The following LPIN1 variants were observed in gnomAD, a reference collection of about 807,000 sequenced individuals.
LPIN1 encodes phosphatidate phosphatase LPIN1.
Under a neutral mutation model 107.5 loss-of-function variants are expected in LPIN1, and 71 were observed. The ratio of observed to expected loss-of-function variants is 0.66; its 90% confidence interval spans 0.55 to 0.80. The LOEUF (loss-of-function observed/expected upper bound fraction) is 0.80. LPIN1 is among the 30% of genes least tolerant of loss of function. The pLI is 0.00. For missense variants in LPIN1, 1,043 were observed against 1,160.6 expected (o/e 0.90, Z 1.47); for synonymous variants, 445 against 452.6 (o/e 0.98, Z 0.21).
At chr2:11,753,526 G>T (rs1227841592) in intron 1 of LPIN1, among the ~76,000 whole-genome samples, 2 of 152,250 alleles carry the variant, frequency 1.3e-5, no homozygotes, top group Non-Finnish European at 2.9e-5. Context: ...AGTCAATCCA[G>T]ACCTGGCAGA....
chr2:11,741,743 G>A (rs561174202), upstream of LPIN1, among the ~76,000 whole-genome samples: 2 of 152,248 alleles, frequency 1.3e-5, no homozygotes, highest in East Asian at 1.9e-4. Context: ...CCTGGGATGC[G>A]GAGCTTGCAG....
intron 1 of LPIN1, among the ~76,000 whole-genome samples, chr2:11,750,741 TG>T (rs1334841781): frequency 6.6e-6 from 1 of 152,140 alleles, no homozygotes; most frequent in Non-Finnish European, 1.5e-5. Context: ...TAGTGGAAGG[TG>T]GAGGCAGGAT....
chr2:11,780,069 C>T (rs1179675162), intron 7 of LPIN1, among the ~76,000 whole-genome samples: 9 of 152,030 alleles, frequency 5.9e-5, no homozygotes, highest in African/African-American at 2.2e-4. Context: ...TTAGTAGAGA[C>T]GGGGTTTCAC....
chr2:11,726,155 C>T (rs1051199512), intron 1 of LPIN1, among the ~76,000 whole-genome samples: 5 of 152,196 alleles, frequency 3.3e-5, no homozygotes, highest in Non-Finnish European at 7.3e-5. Context: ...CCCTTTCTAC[C>T]TCAGCTGCTG....
chr2:11,721,588 C>T (rs143981626), upstream of LPIN1: 3 of 152,270 alleles, frequency 2.0e-5, no homozygotes, highest in African/African-American at 7.2e-5. Context: ...TCTATCCTCA[C>T]TGTTCTAGGA....
At chr2:11,712,049 T>C (rs1171558469) in intron 1 of LPIN1, among the ~76,000 whole-genome samples, 1 of 152,246 alleles carries the variant, frequency 6.6e-6, no homozygotes, top group African/African-American at 2.4e-5. Flanking sequence ...CTGGCCGGCT[T>C]AGAGCACAAG....
chr2:11,757,647 C>T (rs182334641), intron 1 of LPIN1, among the ~76,000 whole-genome samples: 350 of 152,256 alleles, frequency 2.3e-3, no homozygotes, highest in African/African-American at 8.0e-3. Flanking sequence ...GGGCCCACCC[C>T]GGTCCCTTAA....
chr2:11,766,455 G>A (rs977273070), intron 2 of LPIN1, among the ~76,000 whole-genome samples: 2 of 152,226 alleles, frequency 1.3e-5, no homozygotes, highest in African/African-American at 4.8e-5. Flanking sequence ...GCCAGAAGCA[G>A]AAACAGACAC....
upstream of LPIN1, among the ~76,000 whole-genome samples, chr2:11,744,310 C>T (rs1666670416): frequency 6.6e-6 from 1 of 152,238 alleles, no homozygotes; most frequent in African/African-American, 2.4e-5. Context: ...GCCAAGGGCC[C>T]TCCCAGGGGG....
intron 1 of LPIN1, among the ~76,000 whole-genome samples, chr2:11,712,598 C>T (rs7575208): frequency 0.15 from 23,417 of 152,020 alleles, 1,969 homozygotes; most frequent in East Asian, 0.3. Context: ...CATTAACTAA[C>T]AGTCAGTCAA....
chr2:11,819,637 A>C (rs372145029), intron 19 of LPIN1, 39 bp downstream of exon 19: 71 of 1,423,692 alleles, frequency 5.0e-5, no homozygotes, highest in Non-Finnish European at 6.6e-5. Context: ...CCTTGAAATG[A>C]CTGCCTTTTC....
chr2:11,736,383 T>C (rs995237440), intron 1 of LPIN1, among the ~76,000 whole-genome samples: 14 of 152,246 alleles, frequency 9.2e-5, no homozygotes, highest in Non-Finnish European at 1.8e-4. Flanking sequence ...TGCAGACAGC[T>C]GCCTTCTCCC....
At chr2:11,704,847 C>G (rs181535187) in intron 1 of LPIN1, among the ~76,000 whole-genome samples, 1 of 152,242 alleles carries the variant, frequency 6.6e-6, no homozygotes, top group African/African-American at 2.4e-5. Context: ...GCCACACACA[C>G]TTATGTGTCA....
At chr2:11,704,128 C>T (rs1255630684) in intron 1 of LPIN1, among the ~76,000 whole-genome samples, 1 of 152,216 alleles carries the variant, frequency 6.6e-6, no homozygotes, top group Non-Finnish European at 1.5e-5. Flanking sequence ...GTGCTTTAGG[C>T]TTCTTATGAC....
At chr2:11,805,184 T>A in intron 17 of LPIN1, 28 bp downstream of exon 17, 4 of 1,522,772 alleles carry the variant, frequency 2.6e-6, no homozygotes, top group Non-Finnish European at 3.6e-6. Flanking sequence ...GTTTCCCGCC[T>A]CCTGTGAACG....
At position 11,788,256 on chromosome 2, in the gene LPIN1, T is replaced by TA. The variant is rs1250482817; in HGVS notation, c.1644-130dup. On this transcript the variant is annotated intron_variant, in intron 11 of 20. Transcript: ENST00000674199. ...GGTGATATGGAGGAGGGCTGGGGGC[T>TA]AGCAAGAGTATTGAGCTCTTTAAGG... The TA allele has an allele frequency of 5.0e-5, 35 of 696,208 alleles. No homozygotes were observed. The African/African-American group carries it at 5.1e-4, about 10-fold the overall frequency. 43.1% of individuals were successfully genotyped at this position (696,208 alleles called of 1,614,324 possible). A position where few individuals can be genotyped will look rare whatever the true frequency, so the allele number is the denominator to read the frequency against.
intron 20 of LPIN1, among the ~76,000 whole-genome samples, chr2:11,822,776 A>G (rs906450224): frequency 6.6e-6 from 1 of 152,198 alleles, no homozygotes; most frequent in South Asian, 2.1e-4. Context: ...GGAATGGGAA[A>G]GTGGCAGGTC....
At chr2:11,779,448 T>A (rs1298988815) in intron 6 of LPIN1, 71 bp from the exon 7 acceptor site, 2 of 1,542,058 alleles carry the variant, frequency 1.3e-6, no homozygotes, top group African/African-American at 2.7e-5. Flanking sequence ...ATTTGAGCCA[T>A]GGAGCTGGGC....
intron 3 of LPIN1, among the ~76,000 whole-genome samples, chr2:11,768,093 C>T (rs534030901): frequency 1.3e-5 from 2 of 152,252 alleles, no homozygotes; most frequent in African/African-American, 4.8e-5. Context: ...GACTGCTTCC[C>T]AGGAGACAGA....
Sources: allele counts gnomAD v4.1 joint callset (sites outside exome capture counted in the v4.1 genomes callset), GRCh38; gene constraint gnomAD v4.1.1; transcripts MANE v1.5; gene names NCBI Gene and HGNC (gene_info 2026-07-23, HGNC 2026-07-21).